CDON: variants seen among roughly 807,000 people sequenced by gnomAD.
CDON encodes the protein cell adhesion associated, oncogene regulated.
CDON carries 73 observed loss-of-function variants against 120.9 expected under a neutral mutation model. The observed-to-expected ratio is 0.60, with a 90% confidence interval of 0.50 to 0.73. The LOEUF (loss-of-function observed/expected upper bound fraction) is 0.73. Among genes scored for constraint, CDON ranks in the 30% least tolerant of loss-of-function variants. CDON has a pLI of 0.00. For synonymous variants in CDON, 566 were observed against 573.5 expected, an observed-to-expected ratio of 0.99 and a Z score of 0.19; for missense variants, 1,470 against 1,587.3, an observed-to-expected ratio of 0.93 and a Z score of 1.26.
At chr11:125,965,051 C>G (rs1429720848) in intron 18 of CDON, among the ~76,000 whole-genome samples, 1 of 152,116 alleles carries the variant, frequency 6.6e-6, no homozygotes, top group Non-Finnish European at 1.5e-5. Flanking sequence ...CTCAGCCTCC[C>G]AAGTCACTGG....
At chr11:125,972,232 C>A (rs1276129035) in intron 18 of CDON, among the ~76,000 whole-genome samples, 1 of 143,730 alleles carries the variant, frequency 7.0e-6, no homozygotes, top group African/African-American at 2.5e-5. Flanking sequence ...GCGAGACCAG[C>A]CTAGCCAACA....
chr11:125,964,607 C>T (rs1387756637), intron 18 of CDON, among the ~76,000 whole-genome samples: 1 of 127,108 alleles, frequency 7.9e-6, no homozygotes, highest in Non-Finnish European at 1.7e-5. Context: ...GGAGACAGAC[C>T]AAAAAAAAAA....
intron 18 of CDON, among the ~76,000 whole-genome samples, chr11:125,974,618 AAAT>A (rs1946104099): frequency 6.6e-6 from 1 of 152,062 alleles, no homozygotes; most frequent in South Asian, 2.1e-4. Flanking sequence ...AAATATATAA[AAAT>A]AATCAATCTG....
In CDON at chr11:126,052,385, G is replaced by C. The variant is rs574748484; in HGVS notation, c.-62+10194C>G. On this transcript the variant is annotated intron_variant, in intron 1 of 19. Coordinates refer to ENST00000531738, the MANE Select transcript of CDON (RefSeq NM_001378964.1). ...AAACAGAAATCAAACTACTGATTTAGAGATCAGAACAATTCTAATCAAATT... is the reference window on the plus strand; with the variant it reads ...AAACAGAAATCAAACTACTGATTTACAGATCAGAACAATTCTAATCAAATT... Among the ~76,000 whole-genome samples, 25 of 152,304 alleles carry C rather than the reference G, an allele frequency of 1.6e-4. No individual in the cohort carries two copies. In the South Asian group the frequency reaches 5.0e-3, roughly 30 times the overall value.
At chr11:126,011,916 T>C (rs908122264) in intron 7 of CDON, among the ~76,000 whole-genome samples, 6 of 152,326 alleles carry the variant, frequency 3.9e-5, no homozygotes, top group Middle Eastern at 6.8e-3. Context: ...TCCATGCTGA[T>C]AACAATTATC....
intron 8 of CDON, among the ~76,000 whole-genome samples, chr11:126,009,641 G>A (rs1421912522): frequency 1.3e-5 from 2 of 152,200 alleles, no homozygotes; most frequent in African/African-American, 2.4e-5. Flanking sequence ...ACTAAAGGCA[G>A]TACTGCCTTT....
intron 18 of CDON, among the ~76,000 whole-genome samples, chr11:125,966,210 G>A (rs750028403): frequency 2.0e-5 from 3 of 151,078 alleles, no homozygotes; most frequent in Non-Finnish European, 4.4e-5. Context: ...AACAAGTGAT[G>A]CAGATAGTGA....
chr11:125,978,172 T>C, intron 18 of CDON, 132 bp downstream of exon 18: 1 of 705,680 alleles, frequency 1.4e-6, no homozygotes, highest in Non-Finnish European at 2.6e-6. Context: ...GTAACAGCTT[T>C]AAATTTAAGA....
Position 125,961,854 on chromosome 11 carries a change from A to G in CDON, c.3501T>C (p.Asp1167=). Residue 1167 remains aspartate, a synonymous_variant, in exon 19 of 20, where the codon GAT becomes GAC. Coordinates refer to ENST00000531738, the MANE Select transcript of CDON (RefSeq NM_001378964.1). The part of the protein sequence containing the change: ...VPVCLTSAVP[D]CGQLPEESVK... Reference sequence around the variant, plus strand: ...CGCTCTCCTCCGGCAACTGGCCACAATCAGGGACTGCGGAAGTCAGGCATA... The same window carrying G: ...CGCTCTCCTCCGGCAACTGGCCACAGTCAGGGACTGCGGAAGTCAGGCATA... 4 of 1,614,190 alleles carry G rather than the reference A, an allele frequency of 2.5e-6. No homozygotes were observed. The highest frequency in any genetic ancestry group is 3.4e-6 in the Non-Finnish European group (4 of 1,180,030).
chr11:125,997,089 T>C, intron 12 of CDON, 118 bp downstream of exon 12: 1 of 805,306 alleles, frequency 1.2e-6, no homozygotes, highest in Non-Finnish European at 2.1e-6. Flanking sequence ...AGGTAAGCCA[T>C]GATTATGCCA....
intron 1 of CDON, among the ~76,000 whole-genome samples, chr11:126,051,276 C>T (rs1397461502): frequency 1.3e-5 from 2 of 152,124 alleles, no homozygotes; most frequent in Admixed American, 1.3e-4. Context: ...AGGGTAATCA[C>T]TTCCTTATCT....
intron 1 of CDON, among the ~76,000 whole-genome samples, chr11:126,050,349 C>G: frequency 6.6e-6 from 1 of 151,918 alleles, no homozygotes; most frequent in East Asian, 1.9e-4. Context: ...ACACTTTTCT[C>G]CAACATGCGA....
chr11:125,975,665 G>T lies in CDON; in HGVS notation c.3356+2639C>A, dbSNP rs369300925. ...ATGCAAATTCTCAGGCCCCACCCTA[G>T]ACCTGCTGAATGGGAAACTCTGGTC... On this transcript the variant is annotated intron_variant, in intron 18 of 19. Coordinates refer to ENST00000531738, the MANE Select transcript of CDON (RefSeq NM_001378964.1). 9.2e-5 allele frequency among the ~76,000 whole-genome samples: 14 copies of T among 152,322 alleles called. No homozygotes were observed. In the South Asian group the frequency reaches 2.9e-3, roughly 32 times the overall value.
chr11:126,030,261 C>T (rs1353455510), intron 1 of CDON, among the ~76,000 whole-genome samples: 1 of 152,192 alleles, frequency 6.6e-6, no homozygotes, highest in Non-Finnish European at 1.5e-5. Context: ...GAACTTATTG[C>T]TTTTATAACC....
chr11:126,053,434 A>G (rs1228096281), intron 1 of CDON, among the ~76,000 whole-genome samples: 1 of 152,244 alleles, frequency 6.6e-6, no homozygotes, highest in Non-Finnish European at 1.5e-5. Flanking sequence ...GGCCACATCT[A>G]GAAATCTAAT....
intron 1 of CDON, among the ~76,000 whole-genome samples, chr11:126,041,325 AAAAAC>A (rs1948258358): frequency 1.3e-5 from 2 of 152,328 alleles, no homozygotes; most frequent in African/African-American, 4.8e-5. Context: ...GGTGGGCTGC[AAAAAC>A]ATTATGATCT....
In CDON at chr11:126,016,940, C is replaced by A. The variant is rs1321218496; in HGVS notation, c.928+148G>T. On this transcript the variant is annotated intron_variant, in intron 6 of 19. Coordinates refer to ENST00000531738, the MANE Select transcript of CDON (RefSeq NM_001378964.1). ...CAGAAAAATGGCCTAATTCAGCAGT[C>A]CATTATAAAAATGAAACTTGTTCTG... The A allele has an allele frequency of 4.4e-6, 3 of 682,678 alleles. No individual in the cohort carries two copies. In the East Asian group the frequency reaches 8.1e-5, roughly 19 times the overall value. The allele number at this position is 682,678 out of a possible 1,614,324, so 42.3% of individuals were successfully genotyped here. A position where few individuals can be genotyped will look rare whatever the true frequency, so the allele number is the denominator to read the frequency against.
At chr11:126,053,499 C>T (rs975037672) in intron 1 of CDON, among the ~76,000 whole-genome samples, 1 of 152,136 alleles carries the variant, frequency 6.6e-6, no homozygotes, top group African/African-American at 2.4e-5. Context: ...TAAATCAAAT[C>T]CAACCGCTCT....
chr11:126,019,977 G>A (rs767680548), intron 3 of CDON, among the ~76,000 whole-genome samples: 1 of 150,904 alleles, frequency 6.6e-6, no homozygotes, highest in Non-Finnish European at 1.5e-5. Context: ...AGCCCAGGAG[G>A]TTCAGGCTGT....
Sources: gnomAD v4.1 joint callset for allele counts (sites outside exome capture counted in the v4.1 genomes callset) on GRCh38, gnomAD v4.1.1 for gene constraint, MANE v1.5 for transcripts, NCBI Gene and HGNC (gene_info 2026-07-23, HGNC 2026-07-21) for gene names.